The following SPART variants were observed in gnomAD, a reference collection of about 807,000 sequenced individuals.
The protein encoded by SPART is spastic paraplegia 20 (Troyer syndrome).
In SPART, 35 loss-of-function variants were observed where a neutral mutation model predicts 58.7. That is an observed-to-expected ratio of 0.60 (90% CI 0.46 to 0.79). SPART has a LOEUF of 0.79. Ranked by LOEUF, SPART falls within the 30% of genes least tolerant of loss-of-function variation. The pLI is 0.00. For missense variants in SPART, 730 were observed against 786.1 expected (o/e 0.93, Z 0.85); for synonymous variants, 284 against 280.7 (o/e 1.01, Z -0.12).
At chr13:36,363,282 A>G (rs1885935514) in intron 1 of SPART, among the ~76,000 whole-genome samples, 1 of 152,036 alleles carries the variant, frequency 6.6e-6, no homozygotes, top group South Asian at 2.1e-4. Flanking sequence ...TTTCTAGGAG[A>G]GTATGGGAAT....
At chr13:36,322,179 C>T (rs577395337) in intron 5 of SPART, among the ~76,000 whole-genome samples, 77 of 152,178 alleles carry the variant, frequency 5.1e-4, no homozygotes, top group African/African-American at 1.7e-3. Context: ...TCTCTTCACA[C>T]GGACGTGCAT....
chr13:36,312,616 A>C, intron 6 of SPART, 139 bp from the exon 7 acceptor site: 1 of 983,612 alleles, frequency 1.0e-6, no homozygotes, highest in Non-Finnish European at 1.5e-6. Flanking sequence ...AAGGATATGA[A>C]GCTTAGAGAG....
Position 36,316,038 on chromosome 13 carries a change from G to A in SPART, c.1289-1617C>T, listed in dbSNP as rs577108475. ...AGATAAGGAAATGCAATATTTCATC[G>A]GTAGCTATGTAGATATTTTAAATGG... On this transcript the variant is annotated intron_variant, in intron 5 of 8. Coordinates refer to ENST00000438666, the MANE Select transcript of SPART (RefSeq NM_015087.5). 2.9e-3 allele frequency among the ~76,000 whole-genome samples: 443 copies of A among 152,286 alleles called. 5 individuals are homozygous for A. The highest frequency in any genetic ancestry group is 0.016 in the South Asian group (75 of 4,824).
chr13:36,318,707 A>G (rs1235258148), intron 5 of SPART, among the ~76,000 whole-genome samples: 3 of 152,174 alleles, frequency 2.0e-5, no homozygotes, highest in Non-Finnish European at 4.4e-5. Context: ...CTCCCACAGG[A>G]GCTTGCTACA....
intron 5 of SPART, 87 bp downstream of exon 5, chr13:36,326,488 T>C: frequency 6.6e-7 from 1 of 1,516,332 alleles, no homozygotes; most frequent in Non-Finnish European, 9.1e-7. Context: ...ATATTATCTT[T>C]CTCAGTATTC....
chr13:36,309,367 T>G (rs1383446762), intron 8 of SPART, among the ~76,000 whole-genome samples: 1 of 152,102 alleles, frequency 6.6e-6, no homozygotes, highest in African/African-American at 2.4e-5. Context: ...TCAAAAAACT[T>G]AAAATGGAAT....
chr13:36,355,011 G>T (rs1444306967), intron 1 of SPART, among the ~76,000 whole-genome samples: 2 of 152,178 alleles, frequency 1.3e-5, no homozygotes, highest in Non-Finnish European at 2.9e-5. Context: ...AAGTAAGTCT[G>T]CTCTTTAGGA....
At chr13:36,315,324 C>A (rs1025463255) in intron 5 of SPART, among the ~76,000 whole-genome samples, 24 of 152,140 alleles carry the variant, frequency 1.6e-4, no homozygotes, top group Admixed American at 3.3e-4. Context: ...AGAAGTATTA[C>A]CCTACTCTGC....
At chr13:36,319,980 G>C (rs1413473890) in intron 5 of SPART, among the ~76,000 whole-genome samples, 1 of 152,080 alleles carries the variant, frequency 6.6e-6, no homozygotes, top group Non-Finnish European at 1.5e-5. Context: ...TCCTTCCTAA[G>C]CACGGTTAGC....
At chr13:36,349,557 A>G (rs545789989), upstream of SPART, among the ~76,000 whole-genome samples, 3 of 152,288 alleles carry the variant, frequency 2.0e-5, no homozygotes, top group Admixed American at 1.3e-4. Context: ...ATCTGTAGAA[A>G]AGTGTAAGCA....
upstream of SPART, among the ~76,000 whole-genome samples, chr13:36,348,050 C>A (rs899052820): frequency 6.6e-6 from 1 of 152,164 alleles, no homozygotes; most frequent in Non-Finnish European, 1.5e-5. Flanking sequence ...ACTCCAGAGG[C>A]CGAGGCAAGA....
chr13:36,355,987 C>T (rs1197113152), intron 1 of SPART, among the ~76,000 whole-genome samples: 4 of 152,144 alleles, frequency 2.6e-5, no homozygotes, highest in African/African-American at 9.7e-5. Flanking sequence ...TTGGGAAGGC[C>T]TGAGGGTTTT....
At chr13:36,319,925 C>T (rs1882192865) in intron 5 of SPART, among the ~76,000 whole-genome samples, 1 of 152,168 alleles carries the variant, frequency 6.6e-6, no homozygotes, top group Admixed American at 6.5e-5. Flanking sequence ...ATCTGTCTGA[C>T]TGATCTCTCA....
chr13:36,353,764 T>G (rs192469434), intron 1 of SPART, among the ~76,000 whole-genome samples: 10 of 152,316 alleles, frequency 6.6e-5, no homozygotes, highest in Non-Finnish European at 7.3e-5. Flanking sequence ...TGACCATTTT[T>G]TTGTGGTTTC....
At chr13:36,352,665 G>A (rs1405632363) in intron 1 of SPART, among the ~76,000 whole-genome samples, 1 of 152,046 alleles carries the variant, frequency 6.6e-6, no homozygotes. Context: ...CTGAGAAGAG[G>A]CCAGGTGTGG....
At chr13:36,334,205 T>A (rs1883734001) in intron 2 of SPART, among the ~76,000 whole-genome samples, 1 of 152,150 alleles carries the variant, frequency 6.6e-6, no homozygotes, top group Non-Finnish European at 1.5e-5. Flanking sequence ...TATACCTACA[T>A]CCAATCTTTT....
chr13:36,360,511 T>G (rs956517763), intron 1 of SPART: 1 of 152,214 alleles, frequency 6.6e-6, no homozygotes, highest in African/African-American at 2.4e-5. Flanking sequence ...AGAAGAATTA[T>G]GCATATGGGA....
intron 5 of SPART, among the ~76,000 whole-genome samples, chr13:36,322,088 C>T (rs1441692763): frequency 1.3e-5 from 2 of 152,144 alleles, no homozygotes; most frequent in African/African-American, 2.4e-5. Context: ...TCTCCCTTTG[C>T]TGATTCTCTT....
At chr13:36,360,920 T>C (rs975702882) in intron 1 of SPART, among the ~76,000 whole-genome samples, 1 of 152,210 alleles carries the variant, frequency 6.6e-6, no homozygotes, top group Non-Finnish European at 1.5e-5. Flanking sequence ...CCATGCAGGC[T>C]CTAAAGTTCT....
Sources: gnomAD v4.1 joint callset for allele counts (sites outside exome capture counted in the v4.1 genomes callset) on GRCh38, gnomAD v4.1.1 for gene constraint, MANE v1.5 for transcripts, NCBI Gene and HGNC (gene_info 2026-07-23, HGNC 2026-07-21) for gene names.